The following PHACTR1 variants were observed in gnomAD, a reference collection of about 807,000 sequenced individuals.
PHACTR1 encodes the protein RPEL repeat containing 1.
PHACTR1 carries 16 observed loss-of-function variants against 69.2 expected under a neutral mutation model. The ratio of observed to expected loss-of-function variants is 0.23; its 90% CI spans 0.16 to 0.35. The LOEUF (loss-of-function observed/expected upper bound fraction) is 0.35. Among genes scored for constraint, PHACTR1 ranks in the 10% least tolerant of loss-of-function variants. The pLI is 1.00. For missense variants in PHACTR1, 510 were observed against 734.7 expected (o/e 0.69, Z 3.54); for synonymous variants, 312 against 284.5 (o/e 1.10, Z -0.97).
intron 4 of PHACTR1, among the ~76,000 whole-genome samples, chr6:12,864,419 G>C (rs1008399882): frequency 3.3e-5 from 5 of 152,194 alleles, no homozygotes; most frequent in Non-Finnish European, 7.3e-5. Flanking sequence ...CCTGGCTCAC[G>C]CCTGTAATCC....
intron 4 of PHACTR1, among the ~76,000 whole-genome samples, chr6:13,050,538 A>G (rs2127731114): frequency 6.6e-6 from 1 of 152,142 alleles, no homozygotes; most frequent in East Asian, 1.9e-4. Flanking sequence ...TGTTTCATAC[A>G]TTTCTCAGCA....
At chr6:13,215,979 C>G (rs1483921927) in intron 8 of PHACTR1, among the ~76,000 whole-genome samples, 2 of 96,402 alleles carry the variant, frequency 2.1e-5, no homozygotes, top group Non-Finnish European at 5.3e-5. Flanking sequence ...GCAATCTTTC[C>G]TTTAAAATTA....
chr6:12,733,799 C>T (rs1485055266), intron 3 of PHACTR1, among the ~76,000 whole-genome samples: 1 of 152,176 alleles, frequency 6.6e-6, no homozygotes, highest in Non-Finnish European at 1.5e-5. Context: ...ATACTAGAAC[C>T]TTTAGATTTC....
At chr6:12,837,238 G>A (rs781287108) in intron 4 of PHACTR1, among the ~76,000 whole-genome samples, 19 of 152,066 alleles carry the variant, frequency 1.2e-4, no homozygotes, top group African/African-American at 4.3e-4. Context: ...AGTTGGACTC[G>A]TTTAGCTTAA....
intron 4 of PHACTR1, among the ~76,000 whole-genome samples, chr6:12,960,468 C>A (rs1053778399): frequency 4.6e-5 from 7 of 152,148 alleles, no homozygotes; most frequent in African/African-American, 1.7e-4. Flanking sequence ...CGAGTGTCTG[C>A]GTGTTTTGGA....
At chr6:13,084,312 G>A (rs1241730987) in intron 5 of PHACTR1, among the ~76,000 whole-genome samples, 1 of 139,612 alleles carries the variant, frequency 7.2e-6, no homozygotes, top group Non-Finnish European at 1.5e-5. Context: ...TCATAGGTGG[G>A]AATTGAACAA....
chr6:12,729,658 C>G (rs1485314623), intron 3 of PHACTR1, among the ~76,000 whole-genome samples: 1 of 152,082 alleles, frequency 6.6e-6, no homozygotes, highest in Non-Finnish European at 1.5e-5. Flanking sequence ...ACTAAAGCAG[C>G]GAATACAGAG....
At chr6:13,148,097 A>G (rs1463607507) in intron 5 of PHACTR1, among the ~76,000 whole-genome samples, 1 of 147,660 alleles carries the variant, frequency 6.8e-6, no homozygotes, top group Non-Finnish European at 1.5e-5. Context: ...CTTTATATAA[A>G]TGGAACCATA....
chr6:12,861,513 C>T (rs1780936100), intron 4 of PHACTR1, among the ~76,000 whole-genome samples: 1 of 152,230 alleles, frequency 6.6e-6, no homozygotes, highest in Non-Finnish European at 1.5e-5. Context: ...AGAAGCTAAA[C>T]TCCTTTACCA....
intron 4 of PHACTR1, among the ~76,000 whole-genome samples, chr6:12,998,703 C>A (rs950743074): frequency 5.4e-4 from 82 of 150,994 alleles, no homozygotes; most frequent in African/African-American, 1.8e-3. Flanking sequence ...TTAAAAAAAT[C>A]TTTATATGAC....
chr6:12,761,116 A>G (rs970899083), intron 4 of PHACTR1, among the ~76,000 whole-genome samples: 1 of 152,220 alleles, frequency 6.6e-6, no homozygotes, highest in African/African-American at 2.4e-5. Flanking sequence ...TAACGTGTGG[A>G]TAACACTTTC....
intron 4 of PHACTR1, among the ~76,000 whole-genome samples, chr6:12,805,378 G>A (rs567987567): frequency 2.0e-4 from 30 of 152,224 alleles, no homozygotes; most frequent in African/African-American, 6.7e-4. Flanking sequence ...AGTGCGACAC[G>A]TTTGTGTAGC....
chr6:13,030,896 A>G (rs932505094), intron 4 of PHACTR1, among the ~76,000 whole-genome samples: 2 of 152,202 alleles, frequency 1.3e-5, no homozygotes, highest in Admixed American at 1.3e-4. Flanking sequence ...CACTATTGAC[A>G]TTTTGGGCCA....
At chr6:12,738,180 A>G (rs1331819184) in intron 3 of PHACTR1, among the ~76,000 whole-genome samples, 3 of 152,178 alleles carry the variant, frequency 2.0e-5, no homozygotes, top group African/African-American at 7.2e-5. Context: ...TGTGAAAAAT[A>G]TAGTTTCCTT....
chr6:13,251,142 T>A (rs1185548038), intron 10 of PHACTR1, among the ~76,000 whole-genome samples: 3 of 152,132 alleles, frequency 2.0e-5, no homozygotes, highest in Non-Finnish European at 4.4e-5. Context: ...TGGCTGTGTG[T>A]CCCTGTCTGC....
intron 5 of PHACTR1, 131 bp downstream of exon 5, chr6:13,053,660 G>C (rs1426887132): frequency 1.8e-6 from 2 of 1,133,742 alleles, no homozygotes; most frequent in South Asian, 3.7e-5. Context: ...AATGGCTCTT[G>C]TCTTTAAAAT....
chr6:13,022,815 G>A (rs187275812), intron 4 of PHACTR1, among the ~76,000 whole-genome samples: 3 of 152,120 alleles, frequency 2.0e-5, no homozygotes, highest in Admixed American at 6.5e-5. Flanking sequence ...CCAGGAATTC[G>A]AGACCAGCCT....
chr6:13,159,880 C>T (rs1305865306), intron 5 of PHACTR1, among the ~76,000 whole-genome samples: 1 of 152,008 alleles, frequency 6.6e-6, no homozygotes. Context: ...GCAGGGGTTG[C>T]AGTGAGCTGA....
intron 10 of PHACTR1, among the ~76,000 whole-genome samples, chr6:13,248,463 A>T (rs1773897140): frequency 6.6e-6 from 1 of 152,216 alleles, no homozygotes; most frequent in South Asian, 2.1e-4. Context: ...TATAGCATCG[A>T]GGTATTTATA....
Sources: gnomAD v4.1 joint callset for allele counts (sites outside exome capture counted in the v4.1 genomes callset) on GRCh38, gnomAD v4.1.1 for gene constraint, MANE v1.5 for transcripts, NCBI Gene and HGNC (gene_info 2026-07-23, HGNC 2026-07-21) for gene names.